FAM170A: variants seen among roughly 807,000 people sequenced by gnomAD.
FAM170A encodes protein FAM170A.
In FAM170A, 28 loss-of-function variants were observed where a neutral mutation model predicts 36.6. The observed-to-expected ratio is 0.76, with a 90% CI of 0.57 to 1.05. The LOEUF (loss-of-function observed/expected upper bound fraction) is 1.05, where lower values mean the gene tolerates loss of function less well. FAM170A is among the 50% of genes least tolerant of loss of function. FAM170A has a pLI of 0.00. For synonymous variants in FAM170A, 156 were observed against 143.9 expected, an observed-to-expected ratio of 1.08 and a Z score of -0.60; for missense variants, 434 against 396.5, an observed-to-expected ratio of 1.09 and a Z score of -0.80.
At chr5:119,634,639 G>A in exon 3 of FAM170A, 1 of 1,607,906 alleles carries the variant, frequency 6.2e-7, no homozygotes, top group Non-Finnish European at 8.5e-7. Flanking sequence ...CAGAAGCAAA[G>A]GAGGAGGAGG....
chr5:119,632,644 A>G lies in FAM170A; in HGVS notation c.71-104A>G, dbSNP rs1178435143. ...GTCTCACAAACCATGTGTGTTCACT[A>G]CACCTGACATAGGTCAGCCACTCAG... is the stretch of plus-strand genomic sequence containing the variant. On this transcript the variant is annotated intron_variant, in intron 1 of 4. Coordinates refer to ENST00000613773, the Ensembl canonical transcript of FAM170A. 4 of 1,108,430 alleles carry G rather than the reference A, an allele frequency of 3.6e-6. No homozygotes were observed. The Admixed American group carries it at 8.0e-5, about 22-fold the overall frequency. 68.7% of individuals were successfully genotyped at this position (1,108,430 alleles called of 1,614,324 possible).
At chr5:119,634,485 A>G in exon 3 of FAM170A, 4 of 1,614,182 alleles carry the variant, frequency 2.5e-6, no homozygotes, top group Admixed American at 1.7e-5. Flanking sequence ...CTCCAGGAGC[A>G]TGTGCAGTTT....
chr5:119,630,908 A>G (rs769528564), intron 1 of FAM170A, among the ~76,000 whole-genome samples: 6 of 152,312 alleles, frequency 3.9e-5, no homozygotes, highest in Non-Finnish European at 8.8e-5. Flanking sequence ...TGAGAAGTGA[A>G]ATGCTTGTTA....
chr5:119,635,473 T>C (rs1756361757), intron 4 of FAM170A, among the ~76,000 whole-genome samples: 1 of 152,090 alleles, frequency 6.6e-6, no homozygotes, highest in Admixed American at 6.5e-5. Flanking sequence ...ATATAGCCCT[T>C]GGGGAAAAGG....
intron 1 of FAM170A, among the ~76,000 whole-genome samples, chr5:119,630,980 C>T (rs549441022): frequency 1.1e-4 from 16 of 152,324 alleles, no homozygotes; most frequent in Non-Finnish European, 2.4e-4. Flanking sequence ...GGTTTGATTG[C>T]TTCAGCGGGA....
intron 1 of FAM170A, among the ~76,000 whole-genome samples, chr5:119,630,149 C>CT (rs35312547): frequency 0.1 from 8,698 of 85,216 alleles, 1,604 homozygotes; most frequent in African/African-American, 0.34. Flanking sequence ...CCTCGGCCTC[C>CT]TTTTTTTTTT....
chr5:119,631,930 A>C (rs1248110817), intron 1 of FAM170A, among the ~76,000 whole-genome samples: 1 of 152,222 alleles, frequency 6.6e-6, no homozygotes, highest in Non-Finnish European at 1.5e-5. Flanking sequence ...CGGATAAAAT[A>C]CAGGATGTTC....
chr5:119,631,105 A>C (rs1756240451), intron 1 of FAM170A, among the ~76,000 whole-genome samples: 1 of 152,232 alleles, frequency 6.6e-6, no homozygotes, highest in Admixed American at 6.5e-5. Context: ...CCCAGGCTGC[A>C]TGATAATGGC....
At chr5:119,635,252 G>A (rs1031564060) in intron 4 of FAM170A, among the ~76,000 whole-genome samples, 166 bp downstream of exon 4, 3 of 152,238 alleles carry the variant, frequency 2.0e-5, no homozygotes, top group Non-Finnish European at 2.9e-5. Flanking sequence ...TTGCTTAGAT[G>A]ACAAGGTGAA....
intron 1 of FAM170A, among the ~76,000 whole-genome samples, chr5:119,631,815 C>A (rs564215625): frequency 6.6e-6 from 1 of 152,250 alleles, no homozygotes; most frequent in African/African-American, 2.4e-5. Context: ...GCCAGTCACA[C>A]ATCATACATG....
At chr5:119,634,850 T>A in intron 3 of FAM170A, 116 bp downstream of exon 3, 2 of 1,272,586 alleles carry the variant, frequency 1.6e-6, no homozygotes, top group Non-Finnish European at 2.2e-6. Context: ...CTTTATTGGC[T>A]CAGGGAACAA....
intron 2 of FAM170A, 119 bp from the exon 3 acceptor site, chr5:119,633,841 A>G: frequency 7.7e-7 from 1 of 1,299,400 alleles, no homozygotes; most frequent in Non-Finnish European, 1.1e-6. Flanking sequence ...TACCAAGCTC[A>G]CTACACAGCT....
chr5:119,633,943 C>T lies in FAM170A; in HGVS notation c.212-17C>T, dbSNP rs754008009. The T allele has an allele frequency of 1.6e-5, 26 of 1,599,218 alleles. No homozygotes were observed. The South Asian group carries it at 2.8e-4, about 17-fold the overall frequency. On this transcript the variant is annotated splice_polypyrimidine_tract_variant and intron_variant, in intron 2 of 4. Coordinates refer to ENST00000613773, the Ensembl canonical transcript of FAM170A. ...ATGGCCCATGCATCTGCTCATGTTT[C>T]TAATTTCCTTTCCCAGGAATCCAGA...
chr5:119,632,857 C>T (rs1369318724), exon 2 of FAM170A: 6 of 1,611,294 alleles, frequency 3.7e-6, no homozygotes, highest in South Asian at 3.3e-5. Context: ...ACTGCTCCTG[C>T]GTTTCTTCTT....
intron 1 of FAM170A, among the ~76,000 whole-genome samples, chr5:119,630,758 A>G (rs1017251453): frequency 4.6e-5 from 7 of 152,176 alleles, no homozygotes; most frequent in African/African-American, 1.7e-4. Flanking sequence ...TTTCTCTCGT[A>G]TTCTCTTTAT....
At chr5:119,632,416 C>G (rs150996969) in intron 1 of FAM170A, among the ~76,000 whole-genome samples, 1 of 152,314 alleles carries the variant, frequency 6.6e-6, no homozygotes, top group African/African-American at 2.4e-5. Flanking sequence ...AAACACAAAA[C>G]TATGCACACA....
intron 3 of FAM170A, 64 bp downstream of exon 3, chr5:119,634,798 TC>T (rs1756344459): frequency 2.7e-6 from 4 of 1,467,144 alleles, no homozygotes; most frequent in Non-Finnish European, 3.7e-6. Flanking sequence ...CAGTACTGTC[TC>T]CCCAGTTCAG....
chr5:119,633,822 AAC>A, intron 2 of FAM170A, 136 bp from the exon 3 acceptor site: 2 of 1,142,684 alleles, frequency 1.8e-6, no homozygotes, highest in Non-Finnish European at 2.5e-6. Context: ...CCACAATATG[AAC>A]AACAAATACC....
intron 4 of FAM170A, among the ~76,000 whole-genome samples, chr5:119,635,362 C>G (rs566093669): frequency 7.9e-5 from 12 of 152,302 alleles, no homozygotes; most frequent in Admixed American, 7.2e-4. Flanking sequence ...AGTGTAACCT[C>G]AAGGGCCAGG....
Sources: gnomAD v4.1 joint callset for allele counts (sites outside exome capture counted in the v4.1 genomes callset) on GRCh38, gnomAD v4.1.1 for gene constraint, MANE v1.5 for transcripts, NCBI Gene and HGNC (gene_info 2026-07-23, HGNC 2026-07-21) for gene names.